The following ARHGAP42 variants were observed in gnomAD, a reference collection of about 807,000 sequenced individuals.
ARHGAP42 encodes rho GTPase-activating protein 42.
ARHGAP42 carries 63 observed loss-of-function variants against 125.0 expected under a neutral mutation model. The ratio of observed to expected loss-of-function variants is 0.50; its 90% CI spans 0.41 to 0.62. The LOEUF (loss-of-function observed/expected upper bound fraction) is 0.62, where lower values mean the gene tolerates loss of function less well. ARHGAP42 is among the 20% of genes least tolerant of loss of function. The probability of loss-of-function intolerance (pLI) is 0.00; values close to 1 mark genes in which losing one functional copy is unlikely to be tolerated. For synonymous variants in ARHGAP42, 339 were observed against 351.0 expected (o/e 0.97, Z 0.38); for missense variants, 766 against 1,024.2 (o/e 0.75, Z 3.44).
At chr11:100,763,270 T>TA (rs1862752511) in intron 1 of ARHGAP42, among the ~76,000 whole-genome samples, 1 of 151,426 alleles carries the variant, frequency 6.6e-6, no homozygotes, top group South Asian at 2.1e-4. Flanking sequence ...CGTGAGCCAC[T>TA]ATGCCCAGCT....
At chr11:100,961,595 G>A in intron 14 of ARHGAP42, 89 bp from the exon 15 acceptor site, 3 of 1,084,140 alleles carry the variant, frequency 2.8e-6, no homozygotes, top group Admixed American at 2.3e-5. Flanking sequence ...TCTCTCTTTT[G>A]ACCTACTTAC....
At chr11:100,828,078 A>T (rs1214184395) in intron 3 of ARHGAP42, among the ~76,000 whole-genome samples, 1 of 152,180 alleles carries the variant, frequency 6.6e-6, no homozygotes, top group African/African-American at 2.4e-5. Context: ...GGGAAGTAAA[A>T]GTCATGGCTC....
intron 6 of ARHGAP42, among the ~76,000 whole-genome samples, chr11:100,930,785 C>T (rs566328086): frequency 9.9e-5 from 15 of 152,270 alleles, no homozygotes; most frequent in South Asian, 4.1e-4. Context: ...TTGGTTAGGA[C>T]GACCCACATG....
At chr11:100,726,456 A>G (rs1565543249) in intron 1 of ARHGAP42, among the ~76,000 whole-genome samples, 1 of 152,224 alleles carries the variant, frequency 6.6e-6, no homozygotes, top group Admixed American at 6.5e-5. Flanking sequence ...ACCCAAATTC[A>G]GCTATGTGGC....
In ARHGAP42 at chr11:100,834,344, T is replaced by C. The variant is rs562555160; in HGVS notation, c.313-25210T>C. 7.9e-5 allele frequency among the ~76,000 whole-genome samples: 12 copies of C among 152,310 alleles called. 1 individual carries two copies. The highest frequency in any genetic ancestry group is 6.2e-4 in the South Asian group (3 of 4,826). ...TGGGTCATTTCTGATTAGTAGAATA[T>C]TTTCCTTTATATGGATCAAAACTTA... On this transcript the variant is annotated intron_variant, in intron 3 of 23. Transcript: ENST00000298815.
At chr11:100,695,602 G>C (rs538984383) in intron 1 of ARHGAP42, among the ~76,000 whole-genome samples, 1 of 152,224 alleles carries the variant, frequency 6.6e-6, no homozygotes, top group Admixed American at 6.5e-5. Context: ...ACCGCACCCG[G>C]CCTCTAGGAT....
rs1457406834 is a variant in ARHGAP42, at chr11:100,993,464, G to A, written c.*4663G>A. ...AGGAACTGGTCTAAGAACACTGTCT[G>A]CACATGATTGATGCTTAAAATCCAA... On this transcript the variant is annotated 3_prime_UTR_variant, in exon 24 of 24. Coordinates refer to ENST00000298815, the MANE Select transcript of ARHGAP42 (RefSeq NM_152432.4). 2 of 166,952 alleles carry A rather than the reference G, an allele frequency of 1.2e-5. No homozygotes were observed. Among genetic ancestry groups the A allele is most frequent in the African/African-American group, 2.4e-5 (1 of 41,398 alleles). The allele number at this position is 166,952 out of a possible 1,614,324, so 10.3% of individuals were successfully genotyped here.
At chr11:100,708,676 T>G (rs934331471) in intron 1 of ARHGAP42, among the ~76,000 whole-genome samples, 3 of 152,172 alleles carry the variant, frequency 2.0e-5, no homozygotes, top group African/African-American at 7.2e-5. Flanking sequence ...ATGATAAACT[T>G]TATTATATTT....
intron 17 of ARHGAP42, among the ~76,000 whole-genome samples, chr11:100,970,113 CA>C (rs1394323297): frequency 6.6e-6 from 1 of 151,990 alleles, no homozygotes; most frequent in Non-Finnish European, 1.5e-5. Flanking sequence ...CTCAGCCTCC[CA>C]GGTAGCTGGA....
At position 100,687,981 on chromosome 11, in the gene ARHGAP42, C is replaced by G. The variant is rs1053791468; in HGVS notation, c.154+149C>G. The G allele has an allele frequency of 4.2e-5, 37 of 891,136 alleles. 1 individual carries two copies. The highest frequency in any genetic ancestry group is 6.0e-5 in the Non-Finnish European group (37 of 613,942). The allele number at this position is 891,136 out of a possible 1,614,324, so 55.2% of individuals were successfully genotyped here. A position where few individuals can be genotyped will look rare whatever the true frequency, so the allele number is the denominator to read the frequency against. ...GAAGAGCTCCCCTGCTGGTGGCCAA[C>G]AAAGTTTGTTCTTGAGGTGTTCTTT... On this transcript the variant is annotated intron_variant, in intron 1 of 23. Coordinates refer to ENST00000298815, the MANE Select transcript of ARHGAP42 (RefSeq NM_152432.4).
chr11:100,893,396 A>C (rs1866270732), intron 4 of ARHGAP42, among the ~76,000 whole-genome samples: 1 of 152,072 alleles, frequency 6.6e-6, no homozygotes, highest in Non-Finnish European at 1.5e-5. Flanking sequence ...GAACTTTCTA[A>C]TTATTTTTCA....
chr11:100,870,718 T>G (rs1052203361), intron 4 of ARHGAP42, among the ~76,000 whole-genome samples: 1 of 152,230 alleles, frequency 6.6e-6, no homozygotes, highest in Non-Finnish European at 1.5e-5. Flanking sequence ...TTCACACTTA[T>G]GTTTTAGAGT....
intron 3 of ARHGAP42, among the ~76,000 whole-genome samples, chr11:100,806,018 A>G (rs1430843057): frequency 6.6e-6 from 1 of 152,172 alleles, no homozygotes; most frequent in African/African-American, 2.4e-5. Context: ...AGCCCAGTTA[A>G]GTCTCAGCCT....
At chr11:100,765,623 CT>C (rs2134981193) in intron 1 of ARHGAP42, among the ~76,000 whole-genome samples, 1 of 152,244 alleles carries the variant, frequency 6.6e-6, no homozygotes, top group African/African-American at 2.4e-5. Flanking sequence ...ATCGATTGCC[CT>C]CTGTTATGAT....
intron 15 of ARHGAP42, 46 bp from the exon 16 acceptor site, chr11:100,962,363 T>C: frequency 6.8e-7 from 1 of 1,470,638 alleles, no homozygotes; most frequent in Non-Finnish European, 9.3e-7. Flanking sequence ...TAGGGGAGAA[T>C]AAAAGATTCT....
chr11:100,951,658 C>T (rs1857653316), intron 12 of ARHGAP42, among the ~76,000 whole-genome samples: 2 of 152,108 alleles, frequency 1.3e-5, no homozygotes, highest in African/African-American at 4.8e-5. Context: ...AACTAATGTA[C>T]TTATGATGGA....
At chr11:100,702,559 C>T (rs1177788274) in intron 1 of ARHGAP42, among the ~76,000 whole-genome samples, 7 of 137,132 alleles carry the variant, frequency 5.1e-5, no homozygotes, top group East Asian at 2.1e-4. Flanking sequence ...AAAAAACCTT[C>T]GATTTGTAAA....
In ARHGAP42 at chr11:100,817,934, A is replaced by G. The variant is rs1241373251; in HGVS notation, c.312+22768A>G. ...ACCAAGATGGTAACAGTCTGTCACAATGTTATCAGAGTTTTAGCTTGGCAA... is the reference window on the plus strand; with the variant it reads ...ACCAAGATGGTAACAGTCTGTCACAGTGTTATCAGAGTTTTAGCTTGGCAA... On this transcript the variant is annotated intron_variant, in intron 3 of 23. Coordinates refer to ENST00000298815, the MANE Select transcript of ARHGAP42 (RefSeq NM_152432.4). Among the ~76,000 whole-genome samples, 7 of 152,326 alleles carry G rather than the reference A, an allele frequency of 4.6e-5. No individual in the cohort carries two copies. In the East Asian group the frequency reaches 5.8e-4, roughly 13 times the overall value.
At chr11:100,759,299 G>A (rs952680878) in intron 1 of ARHGAP42, among the ~76,000 whole-genome samples, 1 of 152,084 alleles carries the variant, frequency 6.6e-6, no homozygotes, top group African/African-American at 2.4e-5. Context: ...TGGGGCTCTG[G>A]TTTTCCTCTC....
Sources: gnomAD v4.1 joint callset for allele counts (sites outside exome capture counted in the v4.1 genomes callset) on GRCh38, gnomAD v4.1.1 for gene constraint, MANE v1.5 for transcripts, NCBI Gene and HGNC (gene_info 2026-07-23, HGNC 2026-07-21) for gene names.